The following EPDR1 variants were observed in gnomAD, a reference collection of about 807,000 sequenced individuals.
The protein encoded by EPDR1 is mammalian ependymin-related protein 1.
A neutral mutation model predicts 23.7 loss-of-function variants in EPDR1; 27 were observed. The observed-to-expected ratio is 1.14, with a 90% CI of 0.84 to 1.57. The LOEUF is 1.57. Ranked by LOEUF, EPDR1 falls within the 40% of genes most tolerant of loss-of-function variation. The pLI is 0.00. For missense variants in EPDR1, 349 were observed against 290.4 expected, an observed-to-expected ratio of 1.20 and a Z score of -1.47; for synonymous variants, 137 against 118.2, an observed-to-expected ratio of 1.16 and a Z score of -1.03.
intron 1 of EPDR1, among the ~76,000 whole-genome samples, chr7:37,945,262 C>A (rs192954724): frequency 0.012 from 1,848 of 152,246 alleles, 42 homozygotes; most frequent in African/African-American, 0.042. Context: ...ACCCTGCATG[C>A]ATATTATAAA....
At chr7:37,923,273 G>A (rs1785746924) in intron 1 of EPDR1, among the ~76,000 whole-genome samples, 2 of 152,340 alleles carry the variant, frequency 1.3e-5, no homozygotes, top group African/African-American at 2.4e-5. Flanking sequence ...TGAGAGATGG[G>A]TAGTAGCGAT....
chr7:37,950,572 C>A lies in EPDR1; in HGVS notation c.*176C>A. On this transcript the variant is annotated 3_prime_UTR_variant, in exon 3 of 3. Coordinates refer to ENST00000199448, the MANE Select transcript of EPDR1 (RefSeq NM_017549.5). The stretch of plus-strand genomic sequence containing the variant: ...ATTTTGACTACTCAAGCTCTGTTTA[C>A]AGAAGAAAATTGAATGGCGAGGGTG... 2 of 655,188 alleles carry A rather than the reference C, an allele frequency of 3.1e-6. No individual in the cohort carries two copies. The highest frequency in any genetic ancestry group is 5.1e-6 in the Non-Finnish European group (2 of 395,300). 40.6% of individuals were successfully genotyped at this position (655,188 alleles called of 1,614,324 possible).
intron 1 of EPDR1, among the ~76,000 whole-genome samples, chr7:37,933,766 A>G (rs1785990138): frequency 6.6e-6 from 1 of 152,190 alleles, no homozygotes; most frequent in Non-Finnish European, 1.5e-5. Flanking sequence ...TTTGTAATGA[A>G]TTGAGTAGAT....
chr7:37,941,504 C>T (rs1547445), intron 1 of EPDR1, among the ~76,000 whole-genome samples: 51,578 of 152,088 alleles, frequency 0.34, 8,916 homozygotes, highest in South Asian at 0.46. Flanking sequence ...TATTTACAAA[C>T]ATCTTGGAAC....
chr7:37,947,972 G>A (rs1786311879), intron 1 of EPDR1, among the ~76,000 whole-genome samples: 1 of 152,210 alleles, frequency 6.6e-6, no homozygotes, highest in South Asian at 2.1e-4. Flanking sequence ...TTTTGTCTTT[G>A]CTCTCATCTC....
chr7:37,943,990 G>A (rs1212050951), intron 1 of EPDR1, among the ~76,000 whole-genome samples: 1 of 152,200 alleles, frequency 6.6e-6, no homozygotes, highest in Non-Finnish European at 1.5e-5. Context: ...GCCTTTCCCA[G>A]CACAGCTGTG....
intron 1 of EPDR1, among the ~76,000 whole-genome samples, chr7:37,942,728 C>T (rs1440577461): frequency 6.6e-6 from 1 of 152,076 alleles, no homozygotes; most frequent in Non-Finnish European, 1.5e-5. Flanking sequence ...TTTTGCTTCC[C>T]TTTCCATCCC....
intron 1 of EPDR1, among the ~76,000 whole-genome samples, chr7:37,935,168 T>C (rs1786023478): frequency 6.6e-6 from 1 of 152,142 alleles, no homozygotes; most frequent in Non-Finnish European, 1.5e-5. Context: ...CAATCTTCCA[T>C]GGAGGTAGAG....
At chr7:37,922,955 T>A (rs910623041) in intron 1 of EPDR1, among the ~76,000 whole-genome samples, 2 of 152,074 alleles carry the variant, frequency 1.3e-5, no homozygotes, top group Non-Finnish European at 2.9e-5. Flanking sequence ...TCCAGGGAGA[T>A]GTGGAGAGAC....
intron 1 of EPDR1, among the ~76,000 whole-genome samples, chr7:37,946,664 A>C (rs1019528472): frequency 1.3e-5 from 2 of 152,210 alleles, no homozygotes; most frequent in African/African-American, 4.8e-5. Context: ...TGACAGCTCC[A>C]TGCATGTTAC....
chr7:37,944,016 C>T (rs529434307), intron 1 of EPDR1, among the ~76,000 whole-genome samples: 10 of 152,240 alleles, frequency 6.6e-5, no homozygotes, highest in East Asian at 1.9e-4. Context: ...AGCTGCTCCC[C>T]GGGTCTCTCC....
chr7:37,945,472 C>T (rs575901968), intron 1 of EPDR1, among the ~76,000 whole-genome samples: 2 of 152,140 alleles, frequency 1.3e-5, no homozygotes, highest in East Asian at 3.9e-4. Flanking sequence ...TCATAGAAAC[C>T]TGAAGCATAC....
chr7:37,932,216 G>T (rs993177178), intron 1 of EPDR1, among the ~76,000 whole-genome samples: 5 of 152,018 alleles, frequency 3.3e-5, no homozygotes, highest in Admixed American at 3.3e-4. Flanking sequence ...CCTGTGAGGT[G>T]GTTTTTGTTG....
intron 1 of EPDR1, among the ~76,000 whole-genome samples, chr7:37,925,277 A>T (rs1005044010): frequency 3.9e-5 from 6 of 152,202 alleles, no homozygotes; most frequent in African/African-American, 1.4e-4. Context: ...CAGTAACTAT[A>T]GGCTCCCCCT....
intron 1 of EPDR1, among the ~76,000 whole-genome samples, chr7:37,931,373 G>A (rs192061469): frequency 8.8e-4 from 134 of 152,152 alleles, no homozygotes; most frequent in African/African-American, 3.2e-3. Context: ...AATTAGCCAG[G>A]CATGGTGGCA....
intron 1 of EPDR1, among the ~76,000 whole-genome samples, chr7:37,946,300 T>C (rs1436469580): frequency 6.6e-6 from 1 of 152,206 alleles, no homozygotes; most frequent in Non-Finnish European, 1.5e-5. Flanking sequence ...CTTTGAGGAA[T>C]TGCCACGCTG....
At position 37,950,494 on chromosome 7, in the gene EPDR1, G is replaced by A. The variant is rs1304052421; in HGVS notation, c.*98G>A. On this transcript the variant is annotated 3_prime_UTR_variant, in exon 3 of 3. Coordinates refer to ENST00000199448, the MANE Select transcript of EPDR1 (RefSeq NM_017549.5). ...AGTCAAGATGTGAATGCTAATTGGA[G>A]AGAAATATAATTTTAGGAAGATGCA... 34 of 1,117,558 alleles carry A rather than the reference G, an allele frequency of 3.0e-5. No individual in the cohort carries two copies. Among genetic ancestry groups the A allele is most frequent in the Middle Eastern group, 2.7e-4 (1 of 3,654 alleles). The allele number at this position is 1,117,558 out of a possible 1,614,324, so 69.2% of individuals were successfully genotyped here.
chr7:37,939,220 C>A (rs62443120), intron 1 of EPDR1, among the ~76,000 whole-genome samples: 6,602 of 152,148 alleles, frequency 0.043, 297 homozygotes, highest in Admixed American at 0.12. Flanking sequence ...ACCTCATGAT[C>A]TGCCTGCCTC....
intron 1 of EPDR1, among the ~76,000 whole-genome samples, chr7:37,933,838 AG>A (rs1278716100): frequency 6.6e-6 from 1 of 152,248 alleles, no homozygotes; most frequent in African/African-American, 2.4e-5. Context: ...TATAAGTGTC[AG>A]AAAATCTGAC....
Sources: gnomAD v4.1 joint callset for allele counts (sites outside exome capture counted in the v4.1 genomes callset) on GRCh38, gnomAD v4.1.1 for gene constraint, MANE v1.5 for transcripts, NCBI Gene and HGNC (gene_info 2026-07-23, HGNC 2026-07-21) for gene names.